Variants in RAB9B observed in about 807,000 individuals in gnomAD.
RAB9B encodes the protein RAB9B, member RAS oncogene family.
A neutral mutation model predicts 8.9 loss-of-function variants in RAB9B; 1 was observed. The observed-to-expected ratio is 0.11, with a 90% CI of 0.04 to 0.53. The LOEUF (loss-of-function observed/expected upper bound fraction) is 0.53. Among genes scored for constraint, RAB9B ranks in the 20% least tolerant of loss-of-function variants. The pLI is 0.93. For missense variants in RAB9B, 82 were observed against 152.9 expected, an observed-to-expected ratio of 0.54 and a Z score of 2.45; for synonymous variants, 63 against 57.0, an observed-to-expected ratio of 1.10 and a Z score of -0.47.
At chrX:103,805,173 T>A in the RAB9B span, among the ~76,000 whole-genome samples, 1 of 112,095 alleles carries the variant, frequency 8.9e-6, no homozygotes, top group Admixed American at 9.5e-5. Context: ...TTAAGGAAAT[T>A]CCCTGTATTC....
chrX:103,807,987 C>T, the RAB9B span, among the ~76,000 whole-genome samples: 4 of 112,121 alleles, frequency 3.6e-5, no homozygotes, highest in Non-Finnish European at 7.5e-5. Flanking sequence ...CGAGTTATCC[C>T]TATTGTACCT....
At chrX:103,802,796 C>A in the RAB9B span, among the ~76,000 whole-genome samples, 3 of 110,878 alleles carry the variant, frequency 2.7e-5, no homozygotes, top group Non-Finnish European at 5.7e-5. Context: ...AATGAAGATC[C>A]ATACCCACTA....
chrX:103,783,230 A>C, the RAB9B span, among the ~76,000 whole-genome samples: 1 of 112,295 alleles, frequency 8.9e-6, no homozygotes, highest in Non-Finnish European at 1.9e-5. Flanking sequence ...ACATGCATGC[A>C]TGTGCGTGTG....
chrX:103,792,041 A>T, the RAB9B span: 2 of 111,777 alleles, frequency 1.8e-5, no homozygotes, highest in African/African-American at 6.5e-5. Flanking sequence ...GCTTCCAGGA[A>T]AAAGGACAGG....
chrX:103,779,216 T>C, the RAB9B span, among the ~76,000 whole-genome samples: 1 of 112,301 alleles, frequency 8.9e-6, no homozygotes, highest in Admixed American at 9.4e-5. Context: ...TGAAACACAA[T>C]GCCATTATTG....
chrX:103,776,484 C>T, the RAB9B span: 1 of 113,770 alleles, frequency 8.8e-6, no homozygotes, highest in Admixed American at 9.2e-5. Flanking sequence ...GTTTTTGACT[C>T]TGAGCCCCTG....
the RAB9B span, among the ~76,000 whole-genome samples, chrX:103,797,887 C>T: frequency 3.6e-5 from 4 of 111,596 alleles, no homozygotes; most frequent in Admixed American, 9.5e-5. Context: ...CCATTCATTC[C>T]CCAGTCATCT....
the RAB9B span, among the ~76,000 whole-genome samples, chrX:103,779,492 C>T: frequency 8.9e-6 from 1 of 112,063 alleles, no homozygotes; most frequent in East Asian, 2.8e-4. Context: ...TAAACCAGAT[C>T]CCAGCCAGCA....
At chrX:103,794,760 A>G in the RAB9B span, among the ~76,000 whole-genome samples, 1 of 112,173 alleles carries the variant, frequency 8.9e-6, no homozygotes, top group Admixed American at 9.5e-5. Context: ...TCCTACATCA[A>G]TAAGCAGGTA....
At chrX:103,786,923 C>T in the RAB9B span, 136 of 456,163 alleles carry the variant, frequency 3.0e-4, no homozygotes, top group Non-Finnish European at 4.7e-4. Flanking sequence ...TTCAAAGGTT[C>T]CCTAAGCAAA....
downstream of RAB9B, among the ~76,000 whole-genome samples, chrX:103,820,041 A>T (rs2074653629): frequency 9.0e-6 from 1 of 111,019 alleles, no homozygotes; most frequent in South Asian, 3.9e-4. Context: ...CCCAGGAGAA[A>T]CCCCTTCCCC....
At chrX:103,794,905 TC>T in the RAB9B span, among the ~76,000 whole-genome samples, 1 of 112,257 alleles carries the variant, frequency 8.9e-6, no homozygotes, top group Non-Finnish European at 1.9e-5. Context: ...GTTCTGAGAC[TC>T]CTTGAATTGA....
chrX:103,818,483 A>G (rs895718143), downstream of RAB9B, among the ~76,000 whole-genome samples: 15 of 111,912 alleles, frequency 1.3e-4, no homozygotes, highest in African/African-American at 4.9e-4. Context: ...GTGAGAGTTA[A>G]GATTGATATT....
the RAB9B span, among the ~76,000 whole-genome samples, chrX:103,815,142 A>T: frequency 8.9e-6 from 1 of 112,329 alleles, no homozygotes; most frequent in Non-Finnish European, 1.9e-5. Flanking sequence ...CAACAAAAAA[A>T]GAGAATTTTA....
chrX:103,791,542 G>C, the RAB9B span: 2 of 112,216 alleles, frequency 1.8e-5, no homozygotes, highest in Non-Finnish European at 3.8e-5. Context: ...CTTTTTTTCT[G>C]TTAATTAGTT....
downstream of RAB9B, among the ~76,000 whole-genome samples, chrX:103,822,117 A>G (rs759034219): frequency 9.0e-6 from 1 of 110,964 alleles, no homozygotes; most frequent in Non-Finnish European, 1.9e-5. Flanking sequence ...AATAAAAAGG[A>G]CCTCCCTGCC....
At chrX:103,788,110 C>G in the RAB9B span, 4 of 554,210 alleles carry the variant, frequency 7.2e-6, no homozygotes, top group Admixed American at 8.2e-5. Flanking sequence ...TTAATCCTTC[C>G]CTACTGAAAC....
chrX:103,795,728 T>C, the RAB9B span, among the ~76,000 whole-genome samples: 1 of 112,210 alleles, frequency 8.9e-6, no homozygotes, highest in Non-Finnish European at 1.9e-5. Context: ...ATAAAAATTA[T>C]CCTATATGCA....
chrX:103,805,736 GT>G, the RAB9B span, among the ~76,000 whole-genome samples: 2 of 105,551 alleles, frequency 1.9e-5, no homozygotes, highest in South Asian at 4.1e-4. Flanking sequence ...TGTTTACTAG[GT>G]TTTTTTAAAA....
Sources: allele counts gnomAD v4.1 joint callset (sites outside exome capture counted in the v4.1 genomes callset), GRCh38; gene constraint gnomAD v4.1.1; transcripts MANE v1.5; gene names NCBI Gene and HGNC (gene_info 2026-07-23, HGNC 2026-07-21).